The following ZNF571 variants were observed in gnomAD, a reference collection of about 807,000 sequenced individuals.
The protein encoded by ZNF571 is zinc finger protein 571.
In ZNF571, 4 loss-of-function variants were observed where a neutral mutation model predicts 7.7. The observed-to-expected ratio is 0.52, with a 90% CI of 0.25 to 1.18. ZNF571 has a LOEUF of 1.18. Among genes scored for constraint, ZNF571 ranks in the 50% most tolerant of loss-of-function variants. The pLI is 0.14. For synonymous variants in ZNF571, 251 were observed against 232.4 expected (o/e 1.08, Z -0.73); for missense variants, 704 against 726.9 (o/e 0.97, Z 0.36).
In ZNF571 at chr19:37,565,187, G is replaced by A; in HGVS notation, c.1241C>T (p.Thr414Ile). 1 of 1,613,100 alleles carries A rather than the reference G, an allele frequency of 6.2e-7. No individual in the cohort carries two copies. The highest frequency in any genetic ancestry group is 8.5e-7 in the Non-Finnish European group (1 of 1,179,732). The change falls in exon 4 of 4, where the codon ACC becomes ATC. Residue 414 changes from threonine to isoleucine, a missense_variant. By Grantham distance (89) the Thr-to-Ile change is moderately conservative. Transcript: ENST00000451802. ...SNLIQHQRIH[T>I]GEKPYKCKEC... is the part of the protein sequence containing the mutation. ...CTTACATTTGTAGGGCTTCTCTCCG[G>A]TATGAATTCTTTGATGTTGAATAAG...
rs61731963 is a variant in ZNF571, at chr19:37,565,055, C to T, written c.1373G>A (p.Arg458His). Residue 458 changes from arginine (R) to histidine (H), a missense_variant, in exon 4 of 4, where the codon CGT becomes CAT. Arg to His is a conservative substitution (Grantham distance 29). Transcript: ENST00000451802. Reference sequence around the variant, plus strand: ...CTCATGTTGAGTAAGATATGCAACACGAATAAAGGCCTTTCCACATTCCTT... The same window carrying T: ...CTCATGTTGAGTAAGATATGCAACATGAATAAAGGCCTTTCCACATTCCTT... ...ECKECGKAFI[R>H]VAYLTQHEKI... 7,179 of 1,613,822 alleles carry T rather than the reference C, an allele frequency of 4.4e-3. 28 individuals carry two copies. Among genetic ancestry groups the T allele is most frequent in the Non-Finnish European group, 5.3e-3 (6,243 of 1,179,906 alleles).
chr19:37,586,980 T>C (rs2043696676), intron 1 of ZNF571: 3 of 377,756 alleles, frequency 7.9e-6, no homozygotes, highest in South Asian at 1.1e-4. Context: ...TCTTCCACAG[T>C]AGAACAGAGG....
At chr19:37,575,391 CCATA>C (rs1330857773) in intron 3 of ZNF571, 13 of 152,280 alleles carry the variant, frequency 8.5e-5, no homozygotes, top group African/African-American at 3.1e-4. Flanking sequence ...GTCAGATTTA[CCATA>C]CAAATACTGT....
At chr19:37,589,209 A>AG (rs1238796225) in intron 1 of ZNF571, among the ~76,000 whole-genome samples, 2 of 150,924 alleles carry the variant, frequency 1.3e-5, no homozygotes, top group Non-Finnish European at 3.0e-5. Flanking sequence ...TCAAAAAAAA[A>AG]AAAAAAAAAA....
chr19:37,585,489 G>C (rs1373482337), intron 2 of ZNF571: 1 of 152,204 alleles, frequency 6.6e-6, no homozygotes, highest in Non-Finnish European at 1.5e-5. Flanking sequence ...CACTGACCAA[G>C]AAAGCAATGA....
intron 3 of ZNF571, chr19:37,575,645 A>T (rs2043217162): frequency 6.6e-6 from 1 of 152,168 alleles, no homozygotes; most frequent in Admixed American, 6.5e-5. Flanking sequence ...CGGACTTAAG[A>T]TTGCCCATTC....
At chr19:37,568,694 G>A (rs531163436) in intron 3 of ZNF571, among the ~76,000 whole-genome samples, 2 of 152,236 alleles carry the variant, frequency 1.3e-5, no homozygotes, top group Non-Finnish European at 2.9e-5. Flanking sequence ...CCAGAATGAG[G>A]AGTACATATA....
intron 3 of ZNF571, among the ~76,000 whole-genome samples, chr19:37,582,458 A>G (rs572907517): frequency 2.3e-4 from 35 of 152,246 alleles, no homozygotes; most frequent in African/African-American, 8.4e-4. Context: ...TCCTGACTGA[A>G]TGTTGGAACA....
At chr19:37,588,336 G>T (rs557014059) in intron 1 of ZNF571, among the ~76,000 whole-genome samples, 2 of 152,178 alleles carry the variant, frequency 1.3e-5, no homozygotes, top group Admixed American at 6.5e-5. Context: ...AGAGAACAGA[G>T]ATTTCAAAAT....
chr19:37,573,941 A>G lies in ZNF571; in HGVS notation c.137-7650T>C, dbSNP rs573648006. On this transcript the variant is annotated intron_variant, in intron 3 of 3. Transcript: ENST00000451802. ...GCCCTAACACAAAATAACATTTTAAAAAATCATTGCCTTTTCCACCTCAAA... is the reference window on the plus strand; with the variant it reads ...GCCCTAACACAAAATAACATTTTAAGAAATCATTGCCTTTTCCACCTCAAA... Among the ~76,000 whole-genome samples the G allele has an allele frequency of 3.3e-5, 5 of 152,354 alleles. No homozygotes were observed. In the East Asian group the frequency reaches 9.6e-4, roughly 29 times the overall value.
chr19:37,574,994 CA>C (rs1255621884), intron 3 of ZNF571, among the ~76,000 whole-genome samples: 2 of 152,092 alleles, frequency 1.3e-5, no homozygotes, highest in African/African-American at 2.4e-5. Flanking sequence ...TTTTCAAAAT[CA>C]AAAATCACCT....
intron 1 of ZNF571, among the ~76,000 whole-genome samples, chr19:37,592,151 G>A (rs554023364): frequency 6.6e-5 from 10 of 152,090 alleles, no homozygotes; most frequent in East Asian, 2.0e-4. Context: ...CCAGCTACTC[G>A]GGAGGTTGAG....
chr19:37,591,677 T>A (rs1193045499), intron 1 of ZNF571, among the ~76,000 whole-genome samples: 2 of 152,030 alleles, frequency 1.3e-5, no homozygotes, highest in Non-Finnish European at 2.9e-5. Context: ...CCCGAGTAGC[T>A]GGGATTACAG....
intron 3 of ZNF571, among the ~76,000 whole-genome samples, chr19:37,578,436 TCCCA>T (rs2043323332): frequency 6.6e-6 from 1 of 151,902 alleles, no homozygotes; most frequent in Non-Finnish European, 1.5e-5. Flanking sequence ...AACCCCCAAC[TCCCA>T]TCCCTGGGCC....
chr19:37,576,528 T>G (rs949576368), intron 3 of ZNF571, among the ~76,000 whole-genome samples: 7 of 152,174 alleles, frequency 4.6e-5, no homozygotes, highest in African/African-American at 7.2e-5. Context: ...ATTGACTAAG[T>G]TATACTAATT....
intron 3 of ZNF571, among the ~76,000 whole-genome samples, chr19:37,576,989 A>C (rs188447828): frequency 3.2e-3 from 485 of 152,284 alleles, no homozygotes; most frequent in African/African-American, 0.011. Context: ...ATCTTCTGCA[A>C]AACCTTAAAA....
chr19:37,591,705 C>T (rs1266677581), intron 1 of ZNF571, among the ~76,000 whole-genome samples: 1 of 151,942 alleles, frequency 6.6e-6, no homozygotes, highest in African/African-American at 2.4e-5. Context: ...CCACCATGCC[C>T]AGCTAATTTT....
chr19:37,577,808 ACT>A (rs1286963712), intron 3 of ZNF571, among the ~76,000 whole-genome samples: 1 of 152,188 alleles, frequency 6.6e-6, no homozygotes, highest in Admixed American at 6.5e-5. Context: ...AGTGTGCACC[ACT>A]CTCAGGGAGA....
chr19:37,565,104 TATGAATTCTCTGA>T lies in ZNF571; in HGVS notation c.1311_1323del (p.His437GlnfsTer109). On this transcript the variant is annotated frameshift_variant, in exon 4 of 4. Coordinates refer to ENST00000451802, the MANE Select transcript of ZNF571 (RefSeq NM_016536.5). LOFTEE classifies it low-confidence loss of function (END_TRUNC). ...TTACATTCAAAGGGTTTCTCACCTG[TATGAATTCTCTGA>T]TGTTCACTAAGTTGTTTGCCACAAA... 3 of 1,613,306 alleles carry T rather than the reference TATGAATTCTCTGA, an allele frequency of 1.9e-6. No homozygotes were observed. The East Asian group carries it at 6.7e-5, about 36-fold the overall frequency.
Sources: gnomAD v4.1 joint callset for allele counts (sites outside exome capture counted in the v4.1 genomes callset) on GRCh38, gnomAD v4.1.1 for gene constraint, MANE v1.5 for transcripts, NCBI Gene and HGNC (gene_info 2026-07-23, HGNC 2026-07-21) for gene names.